Variants in GMDS observed in about 807,000 individuals in gnomAD.
GMDS encodes the protein GDP-mannose 4,6 dehydratase.
A neutral mutation model predicts 49.9 loss-of-function variants in GMDS; 20 were observed. The ratio of observed to expected loss-of-function variants is 0.40; its 90% CI spans 0.28 to 0.58. The LOEUF is 0.58. Ranked by LOEUF, GMDS falls within the 20% of genes least tolerant of loss-of-function variation. The pLI is 0.42. For missense variants in GMDS, 362 were observed against 481.4 expected, an observed-to-expected ratio of 0.75 and a Z score of 2.32; for synonymous variants, 177 against 178.6, an observed-to-expected ratio of 0.99 and a Z score of 0.07.
intron 4 of GMDS, among the ~76,000 whole-genome samples, chr6:1,997,272 G>C (rs1237660492): frequency 2.6e-5 from 4 of 152,024 alleles, no homozygotes; most frequent in African/African-American, 9.7e-5. Flanking sequence ...CACTTTGGGA[G>C]GCCAAGGTGG....
intron 7 of GMDS, among the ~76,000 whole-genome samples, chr6:1,882,138 T>C (rs1183624253): frequency 1.3e-5 from 2 of 152,244 alleles, no homozygotes; most frequent in East Asian, 3.8e-4. Context: ...GTGTGGTATT[T>C]TCAAACTGGA....
chr6:1,704,658 T>G (rs1765662551), intron 9 of GMDS, among the ~76,000 whole-genome samples: 1 of 152,196 alleles, frequency 6.6e-6, no homozygotes, highest in Non-Finnish European at 1.5e-5. Flanking sequence ...GAGCACAGTG[T>G]CCAGTGTGTA....
intron 7 of GMDS, among the ~76,000 whole-genome samples, chr6:1,768,644 C>T (rs773685776): frequency 2.6e-5 from 4 of 152,208 alleles, no homozygotes; most frequent in African/African-American, 7.2e-5. Flanking sequence ...GCTGACTTAA[C>T]GTCCAAAGGA....
chr6:1,639,221 C>T (rs1357364707), intron 9 of GMDS, among the ~76,000 whole-genome samples: 1 of 152,188 alleles, frequency 6.6e-6, no homozygotes, highest in Non-Finnish European at 1.5e-5. Context: ...GCCACTGAGG[C>T]ACTTGCAGAA....
intron 9 of GMDS, among the ~76,000 whole-genome samples, chr6:1,652,408 A>AT (rs1162223230): frequency 4.1e-4 from 1 of 2,416 alleles, no homozygotes; most frequent in African/African-American, 7.8e-4. Flanking sequence ...ATATATATAT[A>AT]TTATATATAA....
chr6:2,197,629 A>G (rs915385199), intron 1 of GMDS, among the ~76,000 whole-genome samples: 8 of 152,354 alleles, frequency 5.3e-5, no homozygotes, highest in Non-Finnish European at 8.8e-5. Context: ...CAAATCAAAA[A>G]GTGACACATG....
At chr6:2,019,134 G>A (rs1167830338) in intron 4 of GMDS, among the ~76,000 whole-genome samples, 2 of 150,470 alleles carry the variant, frequency 1.3e-5, no homozygotes, top group Admixed American at 1.3e-4. Flanking sequence ...AAATACAAAT[G>A]ATTTTTATAT....
At position 1,865,870 on chromosome 6, in the gene GMDS, G is replaced by A. The variant is rs190806287; in HGVS notation, c.771+64233C>T. On this transcript the variant is annotated intron_variant, in intron 7 of 10. Transcript: ENST00000380815. ...CACAGCCCCAAGAAAAGGCGGCTGA[G>A]GGCGTACAATCCACAGGAAGAAAAA... Among the ~76,000 whole-genome samples, 31 of 152,220 alleles carry A rather than the reference G, an allele frequency of 2.0e-4. No homozygotes were observed. In the East Asian group the frequency reaches 4.8e-3, roughly 24 times the overall value.
At chr6:2,212,720 A>T (rs1024851778) in intron 1 of GMDS, among the ~76,000 whole-genome samples, 6 of 151,594 alleles carry the variant, frequency 4.0e-5, no homozygotes, top group African/African-American at 1.5e-4. Flanking sequence ...AAAAAAAAAA[A>T]AAAAAAAAAC....
At chr6:1,819,360 G>A (rs1365256237) in intron 7 of GMDS, among the ~76,000 whole-genome samples, 2 of 152,094 alleles carry the variant, frequency 1.3e-5, no homozygotes, top group Non-Finnish European at 2.9e-5. Flanking sequence ...TTTATTCGAC[G>A]GATTCATTAT....
At chr6:1,963,639 G>C (rs781164333) in intron 4 of GMDS, among the ~76,000 whole-genome samples, 6 of 152,076 alleles carry the variant, frequency 3.9e-5, no homozygotes, top group African/African-American at 7.2e-5. Flanking sequence ...GAAAAGGCCA[G>C]TTTTTCCCTG....
At chr6:2,055,453 T>TC (rs1225824310) in intron 4 of GMDS, among the ~76,000 whole-genome samples, 1 of 152,154 alleles carries the variant, frequency 6.6e-6, no homozygotes, top group African/African-American at 2.4e-5. Flanking sequence ...GTCCACTATT[T>TC]ACTATATGAC....
intron 4 of GMDS, among the ~76,000 whole-genome samples, chr6:2,011,710 T>C (rs1416591455): frequency 1.3e-5 from 2 of 152,090 alleles, no homozygotes; most frequent in African/African-American, 4.8e-5. Flanking sequence ...AGGCAAGGAG[T>C]TCGTGACCAT....
intron 9 of GMDS, among the ~76,000 whole-genome samples, chr6:1,711,177 A>G (rs571016963): frequency 2.0e-5 from 3 of 152,334 alleles, no homozygotes; most frequent in Non-Finnish European, 4.4e-5. Flanking sequence ...GTTAGGGACA[A>G]CCCAACTGTG....
intron 4 of GMDS, among the ~76,000 whole-genome samples, chr6:2,034,339 G>A (rs944237253): frequency 6.6e-6 from 1 of 152,148 alleles, no homozygotes; most frequent in South Asian, 2.1e-4. Flanking sequence ...TACATGAAAC[G>A]TCTAGAATGA....
intron 7 of GMDS, among the ~76,000 whole-genome samples, chr6:1,861,731 G>A (rs539360510): frequency 1.3e-5 from 2 of 152,190 alleles, no homozygotes; most frequent in African/African-American, 2.4e-5. Flanking sequence ...TCCTGACCTG[G>A]TGTCGTGGCC....
chr6:1,931,893 A>G (rs988757875), intron 6 of GMDS, among the ~76,000 whole-genome samples: 1 of 152,224 alleles, frequency 6.6e-6, no homozygotes, highest in African/African-American at 2.4e-5. Context: ...ACCAATCACT[A>G]AGCACTGAGC....
At chr6:2,138,274 T>C (rs950092959) in intron 1 of GMDS, among the ~76,000 whole-genome samples, 17 of 152,262 alleles carry the variant, frequency 1.1e-4, no homozygotes, top group South Asian at 2.1e-4. Flanking sequence ...AAATGGGTCA[T>C]GTAGTCTATA....
At chr6:1,646,669 C>T (rs1188011878) in intron 9 of GMDS, among the ~76,000 whole-genome samples, 1 of 152,198 alleles carries the variant, frequency 6.6e-6, no homozygotes, top group Non-Finnish European at 1.5e-5. Flanking sequence ...CAGTCATGAG[C>T]CACTATGCCC....
Sources: allele counts gnomAD v4.1 joint callset (sites outside exome capture counted in the v4.1 genomes callset), GRCh38; gene constraint gnomAD v4.1.1; transcripts MANE v1.5; gene names NCBI Gene and HGNC (gene_info 2026-07-23, HGNC 2026-07-21).